The following CTNNA3 variants were observed in gnomAD, a reference collection of about 807,000 sequenced individuals.
CTNNA3 encodes the protein catenin alpha 3.
A neutral mutation model predicts 95.7 loss-of-function variants in CTNNA3; 76 were observed. The ratio of observed to expected loss-of-function variants is 0.79; its 90% CI spans 0.66 to 0.96. The LOEUF is 0.96. Ranked by LOEUF, CTNNA3 falls within the 40% of genes least tolerant of loss-of-function variation. The pLI is 0.00. For synonymous variants in CTNNA3, 431 were observed against 374.4 expected (o/e 1.15, Z -1.74); for missense variants, 1,191 against 1,089.8 (o/e 1.09, Z -1.31).
intron 5 of CTNNA3, among the ~76,000 whole-genome samples, chr10:67,456,695 C>T (rs77438915): frequency 0.012 from 1,858 of 152,192 alleles, 32 homozygotes; most frequent in African/African-American, 0.037. Context: ...TACTGTCAGG[C>T]CCCAACTTAT....
chr10:67,756,877 C>T (rs1465312837), intron 1 of CTNNA3, among the ~76,000 whole-genome samples: 1 of 152,046 alleles, frequency 6.6e-6, no homozygotes, highest in East Asian at 1.9e-4. Context: ...ATCATGTACA[C>T]AGTTACAGCT....
chr10:67,675,741 G>A (rs577675190), intron 1 of CTNNA3, among the ~76,000 whole-genome samples: 34 of 152,264 alleles, frequency 2.2e-4, no homozygotes, highest in African/African-American at 7.9e-4. Flanking sequence ...TGGATATAGG[G>A]AGCAAGAGGA....
chr10:67,221,913 T>C (rs1214564533), intron 5 of CTNNA3, among the ~76,000 whole-genome samples: 2 of 152,202 alleles, frequency 1.3e-5, no homozygotes, highest in Non-Finnish European at 2.9e-5. Context: ...AAAGTGCTTC[T>C]ATACAGTATC....
chr10:66,361,699 G>A (rs1362334532), intron 12 of CTNNA3, among the ~76,000 whole-genome samples: 1 of 151,274 alleles, frequency 6.6e-6, no homozygotes, highest in Non-Finnish European at 1.5e-5. Flanking sequence ...CACCACACTT[G>A]GTTGATTTTC....
chr10:66,281,877 TA>T (rs779440083), intron 12 of CTNNA3, among the ~76,000 whole-genome samples: 19 of 151,888 alleles, frequency 1.3e-4, no homozygotes, highest in Non-Finnish European at 2.7e-4. Context: ...TGAGCCACCA[TA>T]TCTGCTGACA....
At chr10:67,278,373 G>A (rs1266678127) in intron 5 of CTNNA3, among the ~76,000 whole-genome samples, 1 of 152,164 alleles carries the variant, frequency 6.6e-6, no homozygotes, top group Non-Finnish European at 1.5e-5. Context: ...TTTTGGGGAG[G>A]CATGAGGCAT....
chr10:66,466,440 A>G (rs1838920760), intron 11 of CTNNA3, among the ~76,000 whole-genome samples: 1 of 151,426 alleles, frequency 6.6e-6, no homozygotes, highest in African/African-American at 2.4e-5. Context: ...AGGACCTCTC[A>G]TCACAGTAAG....
intron 14 of CTNNA3, among the ~76,000 whole-genome samples, chr10:66,078,740 C>T (rs1265063113): frequency 1.3e-5 from 2 of 151,718 alleles, no homozygotes; most frequent in East Asian, 3.9e-4. Flanking sequence ...GTTCCTCGTT[C>T]CAGAATGCTG....
intron 12 of CTNNA3, among the ~76,000 whole-genome samples, chr10:66,321,201 A>C (rs762800100): frequency 2.0e-5 from 3 of 152,020 alleles, no homozygotes; most frequent in Non-Finnish European, 4.4e-5. Context: ...TGAATAGGTA[A>C]AAAATAAAAT....
At chr10:67,172,155 G>T (rs1862050646) in intron 7 of CTNNA3, among the ~76,000 whole-genome samples, 1 of 152,192 alleles carries the variant, frequency 6.6e-6, no homozygotes, top group Non-Finnish European at 1.5e-5. Flanking sequence ...TCCTTCAAAA[G>T]CCAGCTTAAG....
At chr10:66,330,532 C>T (rs948432295) in intron 12 of CTNNA3, among the ~76,000 whole-genome samples, 9 of 152,038 alleles carry the variant, frequency 5.9e-5, no homozygotes, top group African/African-American at 1.2e-4. Context: ...AGTAAACATA[C>T]GTGTGCATGT....
Position 66,991,862 on chromosome 10 carries a change from G to A in CTNNA3, c.1047+188455C>T, listed in dbSNP as rs115132390. ...CAAATACTTTCATTTAATCAGTTATGATTATTTTATACCAAAGAAATCTCA... is the reference window on the plus strand; with the variant it reads ...CAAATACTTTCATTTAATCAGTTATAATTATTTTATACCAAAGAAATCTCA... On this transcript the variant is annotated intron_variant, in intron 7 of 17. Transcript: ENST00000433211. Among the ~76,000 whole-genome samples, 341 of 152,136 alleles carry A rather than the reference G, an allele frequency of 2.2e-3. 1 individual carries two copies. Among genetic ancestry groups the A allele is most frequent in the African/African-American group, 7.9e-3 (329 of 41,510 alleles).
At chr10:66,027,865 C>G (rs1185551968) in intron 15 of CTNNA3, among the ~76,000 whole-genome samples, 5 of 152,172 alleles carry the variant, frequency 3.3e-5, no homozygotes, top group African/African-American at 1.2e-4. Flanking sequence ...GCAGAAATTT[C>G]TTCTTTGAAG....
intron 15 of CTNNA3, among the ~76,000 whole-genome samples, chr10:65,994,383 T>C (rs1366250779): frequency 1.3e-5 from 2 of 152,044 alleles, no homozygotes; most frequent in Admixed American, 1.3e-4. Flanking sequence ...TTCTTTTTTA[T>C]AGCTGAAGGA....
chr10:67,184,132 G>A (rs936775712), intron 6 of CTNNA3, among the ~76,000 whole-genome samples: 3 of 152,136 alleles, frequency 2.0e-5, no homozygotes, highest in East Asian at 1.9e-4. Flanking sequence ...TTCTGCTAAC[G>A]CTTTGGCCAA....
intron 5 of CTNNA3, among the ~76,000 whole-genome samples, chr10:67,366,471 T>A (rs1843222948): frequency 6.6e-6 from 1 of 151,954 alleles, no homozygotes; most frequent in South Asian, 2.1e-4. Context: ...TGAAACCCCG[T>A]CTCTACTAAA....
At chr10:67,029,541 G>A (rs1853593243) in intron 7 of CTNNA3, among the ~76,000 whole-genome samples, 1 of 152,086 alleles carries the variant, frequency 6.6e-6, no homozygotes, top group Non-Finnish European at 1.5e-5. Flanking sequence ...TTAAGCTATA[G>A]CACTTAAGAT....
intron 5 of CTNNA3, among the ~76,000 whole-genome samples, chr10:67,358,554 G>A (rs868652794): frequency 1.1e-4 from 16 of 152,072 alleles, no homozygotes; most frequent in Admixed American, 5.9e-4. Flanking sequence ...TCCTGCAAAG[G>A]CCCTAAAGAA....
Position 67,483,961 on chromosome 10 carries a change from G to A in CTNNA3, c.579+37881C>T, listed in dbSNP as rs575402026. On this transcript the variant is annotated intron_variant, in intron 5 of 17. Coordinates refer to ENST00000433211, the MANE Select transcript of CTNNA3 (RefSeq NM_013266.4). ...AAACTGCCAATGACATTTTTCACAGGATTAGAAAAAGAGTATTCTAAAGTT... is the reference window on the plus strand; with the variant it reads ...AAACTGCCAATGACATTTTTCACAGAATTAGAAAAAGAGTATTCTAAAGTT... 5.9e-5 allele frequency among the ~76,000 whole-genome samples: 9 copies of A among 152,000 alleles called. No homozygotes were observed. In the East Asian group the frequency reaches 1.7e-3, roughly 29 times the overall value.
Sources: allele counts gnomAD v4.1 joint callset (sites outside exome capture counted in the v4.1 genomes callset), GRCh38; gene constraint gnomAD v4.1.1; transcripts MANE v1.5; gene names NCBI Gene and HGNC (gene_info 2026-07-23, HGNC 2026-07-21).